RAPGEF1: variants seen among roughly 807,000 people sequenced by gnomAD.
The protein encoded by RAPGEF1 is Rap guanine nucleotide exchange factor 1, also known as CRK SH3-binding GNRP.
RAPGEF1 carries 33 observed loss-of-function variants against 143.3 expected under a neutral mutation model. That is an observed-to-expected ratio of 0.23 (90% CI 0.17 to 0.31). The LOEUF is 0.31. RAPGEF1 is among the 10% of genes least tolerant of loss of function. The pLI is 1.00. For missense variants in RAPGEF1, 1,199 were observed against 1,645.4 expected (o/e 0.73, Z 4.69); for synonymous variants, 629 against 676.5 (o/e 0.93, Z 1.09).
At chr9:131,587,900 G>C (rs756261682) in intron 21 of RAPGEF1, 42 bp downstream of exon 21, 1 of 1,584,082 alleles carries the variant, frequency 6.3e-7, no homozygotes, top group Admixed American at 1.7e-5. Context: ...CTCTCATTCA[G>C]GGACAAACAG....
At chr9:131,725,202 T>A (rs1238625325) in intron 1 of RAPGEF1, 1 of 152,362 alleles carries the variant, frequency 6.6e-6, no homozygotes, top group African/African-American at 2.4e-5. Context: ...CAGGCTGTAG[T>A]GCAGTGGCTG....
intron 1 of RAPGEF1, among the ~76,000 whole-genome samples, chr9:131,738,586 T>G (rs4740181): frequency 0.9 from 136,674 of 152,250 alleles, 61,509 homozygotes; most frequent in African/African-American, 0.95. Flanking sequence ...CCTCTTGCTG[T>G]CTGGACAGCC....
intron 1 of RAPGEF1, among the ~76,000 whole-genome samples, chr9:131,727,800 T>G (rs987708171): frequency 1.1e-4 from 8 of 75,294 alleles, no homozygotes; most frequent in Non-Finnish European, 5.7e-5. Context: ...TAGAGAAAGC[T>G]CCTCATGAAC....
Position 131,682,900 on chromosome 9 carries a change from T to G in RAPGEF1, c.62-31951A>C, listed in dbSNP as rs1351571057. Among the ~76,000 whole-genome samples the G allele has an allele frequency of 2.6e-5, 4 of 152,308 alleles. No individual in the cohort carries two copies. The East Asian group carries it at 7.7e-4, about 29-fold the overall frequency. On this transcript the variant is annotated intron_variant, in intron 1 of 26. Coordinates refer to ENST00000683357, the MANE Select transcript of RAPGEF1 (RefSeq NM_001377935.1). ...AATTCAACCCGCTCAATGTAACATA[T>G]TTGGAGTTGGTAAAGCCGCTGAAAT...
rs1219488207 is a variant in RAPGEF1, at chr9:131,667,189, C to T, written c.62-16240G>A. On this transcript the variant is annotated intron_variant, in intron 1 of 26. Transcript: ENST00000683357. This position sits in a 1 kb window ranked among gnomAD's most constrained non-coding sequence, Gnocchi z 4.6. ...ATTTTTAGTAGAGATGGGGTTTCAC[C>T]ATGTTGGTCAGGCTGGTATCAAACT... is the stretch of plus-strand genomic sequence containing the variant. Among the ~76,000 whole-genome samples the T allele has an allele frequency of 6.6e-6, 1 of 152,178 alleles. No homozygotes were observed. The highest frequency in any genetic ancestry group is 1.5e-5 in the Non-Finnish European group (1 of 68,032).
intron 1 of RAPGEF1, among the ~76,000 whole-genome samples, chr9:131,717,407 A>G (rs1835935297): frequency 6.6e-6 from 1 of 152,208 alleles, no homozygotes; most frequent in African/African-American, 2.4e-5. Context: ...GCTATGTGCC[A>G]GGCACCATTC....
chr9:131,702,793 C>T (rs901638576), intron 1 of RAPGEF1, among the ~76,000 whole-genome samples: 6 of 151,950 alleles, frequency 3.9e-5, no homozygotes, highest in Non-Finnish European at 5.9e-5. Context: ...GAAATAATTT[C>T]GATATTCAAC....
chr9:131,734,037 T>C (rs1186222205), intron 1 of RAPGEF1, among the ~76,000 whole-genome samples: 1 of 152,184 alleles, frequency 6.6e-6, no homozygotes, highest in African/African-American at 2.4e-5. Flanking sequence ...TTAATGTGAC[T>C]AGTATTACGA....
At chr9:131,681,808 T>C (rs1384189334) in intron 1 of RAPGEF1, among the ~76,000 whole-genome samples, 2 of 152,180 alleles carry the variant, frequency 1.3e-5, no homozygotes, top group Admixed American at 1.3e-4. Context: ...TCACTTCAAG[T>C]GGAGAACAAT....
intron 1 of RAPGEF1, among the ~76,000 whole-genome samples, chr9:131,736,130 A>G (rs1476501677): frequency 6.6e-6 from 1 of 152,180 alleles, no homozygotes; most frequent in African/African-American, 2.4e-5. Flanking sequence ...ACAGCTGCAT[A>G]CATCTCCCAT....
intron 1 of RAPGEF1, among the ~76,000 whole-genome samples, chr9:131,694,474 T>C (rs968821833): frequency 6.6e-6 from 1 of 152,190 alleles, no homozygotes; most frequent in Non-Finnish European, 1.5e-5. Flanking sequence ...ACAGAGTAGG[T>C]GCTCAAAGGT....
At chr9:131,603,412 C>T (rs546641211) in intron 14 of RAPGEF1, among the ~76,000 whole-genome samples, 4 of 152,314 alleles carry the variant, frequency 2.6e-5, no homozygotes, top group East Asian at 1.9e-4. Context: ...AGCAGCATCA[C>T]GAGGGTGCTG....
intron 1 of RAPGEF1, among the ~76,000 whole-genome samples, chr9:131,658,955 A>G (rs1009358497): frequency 2.0e-5 from 3 of 152,164 alleles, no homozygotes; most frequent in African/African-American, 7.2e-5. Flanking sequence ...CTCACCAGGG[A>G]TGGTGGGGAG....
In RAPGEF1 at chr9:131,650,411, G is replaced by A. The variant is rs1041847185; in HGVS notation, c.202-169C>T. On this transcript the variant is annotated intron_variant, in intron 2 of 26. Transcript: ENST00000683357. This position sits in a 1 kb window ranked among gnomAD's most constrained non-coding sequence, Gnocchi z 4.7. ...TGGCTGTGTCTCAAGGGGTTTGCATGTTTCAGAGCACAGGCCCTAAAGCCA... is the reference window on the plus strand; with the variant it reads ...TGGCTGTGTCTCAAGGGGTTTGCATATTTCAGAGCACAGGCCCTAAAGCCA... Among the ~76,000 whole-genome samples, 2 of 152,226 alleles carry A rather than the reference G, an allele frequency of 1.3e-5. No homozygotes were observed. Among genetic ancestry groups the A allele is most frequent in the Non-Finnish European group, 2.9e-5 (2 of 68,032 alleles).
At chr9:131,624,661 CAG>C (rs578253105) in intron 10 of RAPGEF1, among the ~76,000 whole-genome samples, 4 of 152,276 alleles carry the variant, frequency 2.6e-5, no homozygotes, top group African/African-American at 9.6e-5. Flanking sequence ...CCCAAGATAA[CAG>C]GGGTGGAGGG....
rs562688514 is a variant in RAPGEF1, at chr9:131,657,957, C to T, written c.62-7008G>A. Among the ~76,000 whole-genome samples the T allele has an allele frequency of 2.0e-5, 3 of 152,346 alleles. No individual in the cohort carries two copies. In the South Asian group the frequency reaches 6.2e-4, roughly 32 times the overall value. On this transcript the variant is annotated intron_variant, in intron 1 of 26. Coordinates refer to ENST00000683357, the MANE Select transcript of RAPGEF1 (RefSeq NM_001377935.1). ...TTTACTCAATAGCAGGCCTGACACT[C>T]AGGCATGCTGGGGTGTATCAGTGAT...
At chr9:131,731,794 C>A (rs868153021) in intron 1 of RAPGEF1, among the ~76,000 whole-genome samples, 4 of 152,180 alleles carry the variant, frequency 2.6e-5, no homozygotes, top group Non-Finnish European at 4.4e-5. Flanking sequence ...GCAGTAAAGT[C>A]ACTGTGTGGT....
At chr9:131,633,858 T>C (rs577461791) in intron 5 of RAPGEF1, among the ~76,000 whole-genome samples, 7 of 152,344 alleles carry the variant, frequency 4.6e-5, no homozygotes, top group African/African-American at 1.4e-4. Flanking sequence ...CCTAATCTCA[T>C]TGAAAGTTGA....
At position 131,615,165 on chromosome 9, in the gene RAPGEF1, T is replaced by C. The variant is rs376092225; in HGVS notation, c.2061+3886A>G. Among the ~76,000 whole-genome samples, 23 of 152,356 alleles carry C rather than the reference T, an allele frequency of 1.5e-4. No homozygotes were observed. The South Asian group carries it at 1.9e-3, about 12-fold the overall frequency. On this transcript the variant is annotated intron_variant, in intron 12 of 26. Coordinates refer to ENST00000683357, the MANE Select transcript of RAPGEF1 (RefSeq NM_001377935.1). ...TCCACTCACCGCAAGCTCCGCCTCCTGGGTTCACGCCATTCTCCTTCCTCA... is the reference window on the plus strand; with the variant it reads ...TCCACTCACCGCAAGCTCCGCCTCCCGGGTTCACGCCATTCTCCTTCCTCA...
Sources: gnomAD v4.1 joint callset for allele counts (sites outside exome capture counted in the v4.1 genomes callset) on GRCh38, gnomAD v4.1.1 for gene constraint, Gnocchi (gnomAD v3.1) non-coding constraint, MANE v1.5 for transcripts, NCBI Gene and HGNC (gene_info 2026-07-23, HGNC 2026-07-21) for gene names.